Variants in DCHS2 observed in about 807,000 individuals in gnomAD.
DCHS2 encodes dachsous cadherin-related 2.
In DCHS2, 142 loss-of-function variants were observed where a neutral mutation model predicts 182.4. The ratio of observed to expected loss-of-function variants is 0.78; its 90% CI spans 0.68 to 0.89. The LOEUF (loss-of-function observed/expected upper bound fraction) is 0.89, where lower values mean the gene tolerates loss of function less well. Among genes scored for constraint, DCHS2 ranks in the 40% least tolerant of loss-of-function variants. The pLI is 0.00. For missense variants in DCHS2, 4,319 were observed against 4,198.6 expected (o/e 1.03, Z -0.79); for synonymous variants, 1,740 against 1,663.3 (o/e 1.05, Z -1.12).
intron 1 of DCHS2, among the ~76,000 whole-genome samples, chr4:154,450,621 T>C (rs1202965300): frequency 6.6e-6 from 1 of 151,940 alleles, no homozygotes. Flanking sequence ...TTACCTGAGG[T>C]CAGGAGTTCG....
intron 1 of DCHS2, among the ~76,000 whole-genome samples, chr4:154,404,389 C>G (rs552899122): frequency 1.3e-5 from 2 of 152,310 alleles, no homozygotes; most frequent in South Asian, 4.1e-4. Flanking sequence ...AGAACATAGT[C>G]TATGACTTCA....
chr4:154,341,934 G>GA (rs1218131827), intron 3 of DCHS2, among the ~76,000 whole-genome samples: 1 of 152,004 alleles, frequency 6.6e-6, no homozygotes, highest in Non-Finnish European at 1.5e-5. Context: ...TTAATTAAAT[G>GA]AAAGCATTAT....
intron 1 of DCHS2, among the ~76,000 whole-genome samples, chr4:154,466,082 A>C (rs964759874): frequency 6.6e-6 from 1 of 152,142 alleles, no homozygotes. Context: ...TTAAGTTTCA[A>C]ATTTCTACTT....
chr4:154,375,941 C>T (rs954602017), intron 2 of DCHS2, among the ~76,000 whole-genome samples: 8 of 151,942 alleles, frequency 5.3e-5, no homozygotes, highest in African/African-American at 1.7e-4. Flanking sequence ...TAAATGATTC[C>T]GGCAAATAAT....
chr4:154,333,278 G>A lies in DCHS2; in HGVS notation c.2930C>T (p.Pro977Leu), dbSNP rs1473289813. 1 of 1,614,208 alleles carries A rather than the reference G, an allele frequency of 6.2e-7. No homozygotes were observed. The highest frequency in any genetic ancestry group is 1.1e-5 in the South Asian group (1 of 91,076). Residue 977 changes from proline to leucine, a missense_variant, in exon 5 of 20, where the codon CCA becomes CTA. Physicochemically the swap from Pro to Leu is moderately conservative, Grantham distance 98. Transcript: ENST00000357232. The stretch of plus-strand genomic sequence containing the variant: ...CTCATCCGAGGTCCTGAGGAACGCT[G>A]GGTGGTTGTCATTGACATCCATGAC... Reference protein sequence around the residue: ...ITVMDVNDNHPAFLRTSDEIR... With the variant: ...ITVMDVNDNHLAFLRTSDEIR...
intron 1 of DCHS2, among the ~76,000 whole-genome samples, chr4:154,457,375 T>C (rs1260273338): frequency 6.6e-6 from 1 of 152,198 alleles, no homozygotes; most frequent in African/African-American, 2.4e-5. Flanking sequence ...TATTACCTTC[T>C]TTTATCCTAT....
chr4:154,489,360 G>C lies in DCHS2; in HGVS notation c.1996C>G (p.Gln666Glu). Residue 666 changes from glutamine to glutamate, a missense_variant, in exon 1 of 20, where the codon CAG becomes GAG. Transcript: ENST00000357232. ...TCTGCAATGGTGGCATTGTACACCT[G>C]CCTCCAGAAGATGGGCTCATTGTCA... The part of the protein sequence containing the change: ...VNDNEPIFWR[Q>E]VYNATIAEHA... The C allele has an allele frequency of 6.5e-7, 1 of 1,549,286 alleles. No individual in the cohort carries two copies. The highest frequency in any genetic ancestry group is 8.7e-7 in the Non-Finnish European group (1 of 1,145,274).
At chr4:154,419,850 G>C (rs1195334804) in intron 1 of DCHS2, among the ~76,000 whole-genome samples, 1 of 147,116 alleles carries the variant, frequency 6.8e-6, no homozygotes, top group Non-Finnish European at 1.5e-5. Context: ...AGAGAAGAAC[G>C]TATGAGTGGA....
rs199865844 is a variant in DCHS2 at position 154,320,426 on chromosome 4, A to T, written c.4973T>A (p.Ile1658Asn). 3 of 1,614,056 alleles carry T rather than the reference A, an allele frequency of 1.9e-6. No homozygotes were observed. The highest frequency in any genetic ancestry group is 2.5e-6 in the Non-Finnish European group (3 of 1,179,950). ...EGRNGKVTYS[I>N]LSGNENMTFM... ...CGTCATGTTTTCATTTCCTGAGAGGATGCTGTATGTTACTTTTCCATTCCT... is the reference window on the plus strand; with the variant it reads ...CGTCATGTTTTCATTTCCTGAGAGGTTGCTGTATGTTACTTTTCCATTCCT... The change falls in exon 9 of 20, where the codon ATC (isoleucine) becomes AAC (asparagine). Residue 1658 changes from isoleucine (I) to asparagine (N), a missense_variant. Transcript: ENST00000357232.
Position 154,468,868 on chromosome 4 carries a change from T to A in DCHS2, c.2052+20436A>T, listed in dbSNP as rs74394087. On this transcript the variant is annotated intron_variant, in intron 1 of 19. Coordinates refer to ENST00000357232, the MANE Select transcript of DCHS2 (RefSeq NM_001358235.2). The stretch of plus-strand genomic sequence containing the variant: ...TTTCCTAGGACTACTAAAATACGGA[T>A]CATGCTATTGTGAAGGCACTTAGAG... Among the ~76,000 whole-genome samples the A allele has an allele frequency of 4.0e-3, 612 of 152,172 alleles. 1 individual carries two copies. The highest frequency in any genetic ancestry group is 6.9e-3 in the Middle Eastern group (2 of 290).
chr4:154,321,321 T>TATGTGATC, intron 8 of DCHS2, 99 bp from the exon 9 acceptor site: 6 of 1,215,600 alleles, frequency 4.9e-6, no homozygotes, highest in Non-Finnish European at 5.4e-6. Flanking sequence ...TCCTTCCATG[T>TATGTGATC]ATGTGATCAT....
chr4:154,273,914 G>C (rs1391184112), intron 13 of DCHS2, among the ~76,000 whole-genome samples: 1 of 152,130 alleles, frequency 6.6e-6, no homozygotes, highest in Non-Finnish European at 1.5e-5. Flanking sequence ...CTGCTGCTGG[G>C]TGCACAGTAA....
intron 14 of DCHS2, among the ~76,000 whole-genome samples, chr4:154,263,063 T>G (rs528613331): frequency 6.6e-6 from 1 of 152,176 alleles, no homozygotes; most frequent in Non-Finnish European, 1.5e-5. Flanking sequence ...CTTATTAAAC[T>G]AATTACTAAT....
Position 154,325,316 on chromosome 4 carries a change from C to CATGTGTGTGTGT in DCHS2, c.4018+2776_4018+2777insACACACACACAT, listed in dbSNP as rs555546818. ...AGTGGTATTATAGCAGGATTATAGC[C>CATGTGTGTGTGT]GTGTGTGTGTGTGTGTGTGTGTGTG... is the stretch of plus-strand genomic sequence containing the variant. On this transcript the variant is annotated intron_variant, in intron 7 of 19. Transcript: ENST00000357232. Among the ~76,000 whole-genome samples the CATGTGTGTGTGT allele has an allele frequency of 2.0e-3, 291 of 142,760 alleles. 4 individuals are homozygous for CATGTGTGTGTGT. Among genetic ancestry groups the CATGTGTGTGTGT allele is most frequent in the African/African-American group, 7.4e-3 (285 of 38,282 alleles). 93.7% of individuals were successfully genotyped at this position (142,760 alleles called of 152,430 possible).
intron 3 of DCHS2, among the ~76,000 whole-genome samples, chr4:154,363,208 CT>C (rs765280316): frequency 9.2e-5 from 14 of 152,082 alleles, no homozygotes; most frequent in Non-Finnish European, 1.5e-4. Flanking sequence ...AAGTCTACTT[CT>C]GAGTATATAT....
chr4:154,358,355 T>C (rs1199515991), intron 3 of DCHS2, among the ~76,000 whole-genome samples: 1 of 152,128 alleles, frequency 6.6e-6, no homozygotes, highest in Non-Finnish European at 1.5e-5. Context: ...AGCATTGTCT[T>C]TGGAAGCCCT....
chr4:154,488,170 C>T (rs1262105806), intron 1 of DCHS2, among the ~76,000 whole-genome samples: 1 of 151,392 alleles, frequency 6.6e-6, no homozygotes, highest in East Asian at 1.9e-4. Flanking sequence ...AAAGCAAGAC[C>T]TTGTCTCAAA....
chr4:154,487,958 A>T (rs1728646189), intron 1 of DCHS2, among the ~76,000 whole-genome samples: 1 of 152,150 alleles, frequency 6.6e-6, no homozygotes, highest in South Asian at 2.1e-4. Context: ...CGGGAGTATC[A>T]TTTGAGCCCA....
chr4:154,403,463 C>T (rs547104942), intron 1 of DCHS2, among the ~76,000 whole-genome samples: 1 of 151,962 alleles, frequency 6.6e-6, no homozygotes, highest in African/African-American at 2.4e-5. Context: ...CATTGATTTT[C>T]AAATGTTGAA....
Sources: gnomAD v4.1 joint callset for allele counts (sites outside exome capture counted in the v4.1 genomes callset) on GRCh38, gnomAD v4.1.1 for gene constraint, MANE v1.5 for transcripts, NCBI Gene and HGNC (gene_info 2026-07-23, HGNC 2026-07-21) for gene names.